The following HCRTR2 variants were observed in gnomAD, a reference collection of about 807,000 sequenced individuals.
HCRTR2 encodes the protein hypocretin receptor 2, also known as orexin receptor type 2.
HCRTR2 carries 22 observed loss-of-function variants against 49.0 expected under a neutral mutation model. The observed-to-expected ratio is 0.45, with a 90% confidence interval of 0.32 to 0.64. The LOEUF (loss-of-function observed/expected upper bound fraction) is 0.64, where lower values mean the gene tolerates loss of function less well. Among genes scored for constraint, HCRTR2 ranks in the 30% least tolerant of loss-of-function variants. HCRTR2 has a pLI of 0.04. For missense variants in HCRTR2, 491 were observed against 559.4 expected (o/e 0.88, Z 1.23); for synonymous variants, 236 against 205.3 (o/e 1.15, Z -1.28).
intron 1 of HCRTR2, among the ~76,000 whole-genome samples, chr6:55,137,588 G>A (rs891762493): frequency 6.6e-6 from 1 of 152,014 alleles, no homozygotes; most frequent in African/African-American, 2.4e-5. Flanking sequence ...AAACCTGAGA[G>A]AGTAGCTAGG....
intron 1 of HCRTR2, among the ~76,000 whole-genome samples, chr6:55,169,102 G>A (rs1178807428): frequency 6.6e-6 from 1 of 151,450 alleles, no homozygotes; most frequent in Admixed American, 6.6e-5. Context: ...GTATACCTTA[G>A]GGCATTTGCT....
intron 4 of HCRTR2, among the ~76,000 whole-genome samples, chr6:55,265,699 C>G (rs1351492514): frequency 6.6e-6 from 1 of 152,030 alleles, no homozygotes; most frequent in Non-Finnish European, 1.5e-5. Context: ...GATGAATGAT[C>G]TGGAATGATA....
At chr6:55,263,877 T>G (rs770665757) in intron 4 of HCRTR2, 55 bp downstream of exon 4, 4 of 1,047,350 alleles carry the variant, frequency 3.8e-6, no homozygotes, top group Admixed American at 1.8e-5. Flanking sequence ...AATTTGTTAT[T>G]TGTTATTCCT....
At chr6:55,145,710 C>T (rs1164076179) in intron 1 of HCRTR2, among the ~76,000 whole-genome samples, 2 of 152,024 alleles carry the variant, frequency 1.3e-5, no homozygotes, top group Non-Finnish European at 2.9e-5. Context: ...ACACTGCGCC[C>T]GGCTGTCTCA....
chr6:55,195,639 A>T (rs1026264103), intron 1 of HCRTR2, among the ~76,000 whole-genome samples: 5 of 152,198 alleles, frequency 3.3e-5, no homozygotes, highest in Non-Finnish European at 7.3e-5. Context: ...TATCCCAATT[A>T]CCCTGATTTG....
intron 1 of HCRTR2, among the ~76,000 whole-genome samples, chr6:55,125,958 G>T (rs1157708599): frequency 6.6e-6 from 1 of 151,958 alleles, no homozygotes; most frequent in Non-Finnish European, 1.5e-5. Flanking sequence ...ATGTTTTTCA[G>T]CTCCATCATG....
intron 3 of HCRTR2, among the ~76,000 whole-genome samples, chr6:55,261,239 G>T (rs947917916): frequency 4.0e-5 from 6 of 151,736 alleles, no homozygotes; most frequent in African/African-American, 1.5e-4. Context: ...AACAAATCAG[G>T]AAGAAAAAAT....
chr6:55,135,995 G>A (rs1764428710), intron 1 of HCRTR2, among the ~76,000 whole-genome samples: 1 of 152,128 alleles, frequency 6.6e-6, no homozygotes, highest in Non-Finnish European at 1.5e-5. Context: ...TTAATTGCAT[G>A]CCTGCTTCCC....
intron 1 of HCRTR2, among the ~76,000 whole-genome samples, chr6:55,199,493 T>A (rs185395996): frequency 1.1e-3 from 174 of 152,268 alleles, no homozygotes; most frequent in Non-Finnish European, 1.4e-3. Flanking sequence ...ACTGCAAAGT[T>A]ATCTCCTTTC....
intron 1 of HCRTR2, among the ~76,000 whole-genome samples, chr6:55,226,813 G>A (rs1454971840): frequency 6.8e-6 from 1 of 146,254 alleles, no homozygotes; most frequent in African/African-American, 2.5e-5. Context: ...CCGCCTCCCG[G>A]GTTCACACCA....
chr6:55,166,568 A>T (rs1378607483), intron 1 of HCRTR2, among the ~76,000 whole-genome samples: 1 of 152,130 alleles, frequency 6.6e-6, no homozygotes, highest in African/African-American at 2.4e-5. Flanking sequence ...TGTTGATAAG[A>T]ATGTGGAAAC....
At chr6:55,252,411 A>G (rs1405253708) in intron 2 of HCRTR2, among the ~76,000 whole-genome samples, 1 of 152,150 alleles carries the variant, frequency 6.6e-6, no homozygotes, top group Admixed American at 6.6e-5. Flanking sequence ...TGGATTATAA[A>G]TTACTAAGGC....
chr6:55,243,031 T>C (rs1271268081), intron 1 of HCRTR2, among the ~76,000 whole-genome samples: 1 of 152,042 alleles, frequency 6.6e-6, no homozygotes, highest in African/African-American at 2.4e-5. Flanking sequence ...TGAGCCACTT[T>C]CCATGTCTTA....
Position 55,277,493 on chromosome 6 carries a change from A to C in HCRTR2, c.876A>C (p.Glu292Asp). Residue 292 changes from glutamate to aspartate, a missense_variant, in exon 5 of 7, where the codon GAA becomes GAC. Physicochemically the swap from Glu to Asp is conservative, Grantham distance 45. Transcript: ENST00000370862. Reference protein sequence around the residue: ...TKSRMSAVAAEIKQIRARRKT... With the variant: ...TKSRMSAVAADIKQIRARRKT... ...CCCGGATGAGCGCTGTGGCGGCTGAAATAAAGCAGATCCGAGCCAGAAGGA... is the reference window on the plus strand; with the variant it reads ...CCCGGATGAGCGCTGTGGCGGCTGACATAAAGCAGATCCGAGCCAGAAGGA... The C allele has an allele frequency of 6.2e-7, 1 of 1,614,066 alleles. No individual in the cohort carries two copies. The highest frequency in any genetic ancestry group is 8.5e-7 in the Non-Finnish European group (1 of 1,180,008).
chr6:55,194,357 A>G (rs1361984309), intron 1 of HCRTR2, among the ~76,000 whole-genome samples: 1 of 152,174 alleles, frequency 6.6e-6, no homozygotes, highest in African/African-American at 2.4e-5. Context: ...TTCCCTTTAA[A>G]CAACAATAGT....
At chr6:55,129,146 A>G (rs1354139896) in intron 1 of HCRTR2, among the ~76,000 whole-genome samples, 1 of 152,138 alleles carries the variant, frequency 6.6e-6, no homozygotes, top group African/African-American at 2.4e-5. Context: ...ATGCAATTTA[A>G]TCAACTCTCC....
chr6:55,169,543 C>T (rs916426469), upstream of HCRTR2, among the ~76,000 whole-genome samples: 1 of 150,194 alleles, frequency 6.7e-6, no homozygotes, highest in African/African-American at 2.5e-5. Flanking sequence ...ATGTCTAGAC[C>T]CCCTGTGATT....
At chr6:55,134,595 G>T (rs1764408666) in intron 1 of HCRTR2, among the ~76,000 whole-genome samples, 1 of 151,724 alleles carries the variant, frequency 6.6e-6, no homozygotes, top group African/African-American at 2.4e-5. Flanking sequence ...ATAACTGAGA[G>T]TGTGTATCTT....
In HCRTR2 at chr6:55,277,608, T is replaced by G; in HGVS notation, c.983+8T>G. ...CCTCAATGTGCTAAAGAGGTAAAAC[T>G]TATCTGTTATTTGAAAATGAAATAG... is the stretch of plus-strand genomic sequence containing the variant. On this transcript the variant is annotated splice_region_variant and intron_variant, in intron 5 of 6. Coordinates refer to ENST00000370862, the MANE Select transcript of HCRTR2 (RefSeq NM_001384272.1). 6.3e-7 allele frequency: 1 copy of G among 1,587,250 alleles called. No homozygotes were observed.
Sources: gnomAD v4.1 joint callset for allele counts (sites outside exome capture counted in the v4.1 genomes callset) on GRCh38, gnomAD v4.1.1 for gene constraint, MANE v1.5 for transcripts, NCBI Gene and HGNC (gene_info 2026-07-23, HGNC 2026-07-21) for gene names.